ANKRD31: variants seen among roughly 807,000 people sequenced by gnomAD.
The protein encoded by ANKRD31 is ankyrin repeat domain-containing protein 31.
Under a neutral mutation model 186.0 loss-of-function variants are expected in ANKRD31, and 147 were observed. The observed-to-expected ratio is 0.79, with a 90% CI of 0.69 to 0.91. The LOEUF is 0.91. Ranked by LOEUF, ANKRD31 falls within the 40% of genes least tolerant of loss-of-function variation. The pLI is 0.00. For synonymous variants in ANKRD31, 673 were observed against 736.4 expected, an observed-to-expected ratio of 0.91 and a Z score of 1.39; for missense variants, 1,986 against 2,148.8, an observed-to-expected ratio of 0.92 and a Z score of 1.50.
chr5:75,118,141 C>A lies in ANKRD31; in HGVS notation c.4033G>T (p.Val1345Phe). 2.7e-6 allele frequency: 4 copies of A among 1,469,432 alleles called. No individual in the cohort carries two copies. Among genetic ancestry groups the A allele is most frequent in the Non-Finnish European group, 3.6e-6 (4 of 1,121,696 alleles). The allele number at this position is 1,469,432 out of a possible 1,614,324, so 91.0% of individuals were successfully genotyped here. The change falls in exon 18 of 26, where the codon GTC (valine) becomes TTC (phenylalanine). Residue 1345 changes from valine (V) to phenylalanine (F), a missense_variant. Val to Phe is a conservative substitution (Grantham distance 50). Coordinates refer to ENST00000506364, the MANE Select transcript of ANKRD31 (RefSeq NM_001372053.1). ...TVNRDESDAI[V>F]NEKIPAVRSK... Reference sequence around the variant, plus strand: ...GCAATATTGATATACATACCATTGACTATAGCATCACTCTCATCTCTATTA... The same window carrying A: ...GCAATATTGATATACATACCATTGAATATAGCATCACTCTCATCTCTATTA...
At chr5:75,165,245 A>T (rs1183830471) in intron 11 of ANKRD31, among the ~76,000 whole-genome samples, 1 of 151,882 alleles carries the variant, frequency 6.6e-6, no homozygotes, top group African/African-American at 2.4e-5. Flanking sequence ...GCAAATAAAG[A>T]ATATTCAACT....
At chr5:75,103,667 C>A (rs1474661773) in intron 22 of ANKRD31, among the ~76,000 whole-genome samples, 1 of 152,086 alleles carries the variant, frequency 6.6e-6, no homozygotes, top group Non-Finnish European at 1.5e-5. Context: ...TACTATGCAG[C>A]CATAAAAAGG....
intron 10 of ANKRD31, 82 bp downstream of exon 10, chr5:75,188,411 C>A: frequency 7.5e-7 from 1 of 1,324,804 alleles, no homozygotes; most frequent in South Asian, 1.7e-5. Context: ...CTTAGGCTCA[C>A]TTTGCTATAC....
intron 17 of ANKRD31, among the ~76,000 whole-genome samples, chr5:75,121,669 A>G (rs1748804297): frequency 6.6e-6 from 1 of 152,182 alleles, no homozygotes; most frequent in African/African-American, 2.4e-5. Context: ...TCTCAAAACT[A>G]TACAAATACA....
chr5:75,193,653 GAA>G, intron 7 of ANKRD31, 62 bp from the exon 8 acceptor site: 1 of 1,438,188 alleles, frequency 7.0e-7, no homozygotes, highest in East Asian at 2.5e-5. Context: ...AAAACTATAA[GAA>G]GTTAAATTTT....
intron 11 of ANKRD31, among the ~76,000 whole-genome samples, chr5:75,161,228 G>A (rs916508804): frequency 1.3e-5 from 2 of 152,146 alleles, no homozygotes; most frequent in African/African-American, 4.8e-5. Context: ...ATAATGATGT[G>A]GACAATGAAA....
intron 10 of ANKRD31, among the ~76,000 whole-genome samples, chr5:75,180,888 T>G (rs1561511487): frequency 6.6e-6 from 1 of 152,110 alleles, no homozygotes; most frequent in Non-Finnish European, 1.5e-5. Flanking sequence ...AAATGGGATT[T>G]GATTAAACTA....
chr5:75,117,417 C>T (rs185112403), intron 18 of ANKRD31, among the ~76,000 whole-genome samples: 15 of 152,268 alleles, frequency 9.9e-5, no homozygotes, highest in Admixed American at 9.8e-4. Flanking sequence ...TGACCTTGAC[C>T]TATCCATGAT....
intron 6 of ANKRD31, among the ~76,000 whole-genome samples, chr5:75,198,916 T>G (rs1055100657): frequency 1.3e-5 from 2 of 152,186 alleles, no homozygotes; most frequent in Non-Finnish European, 2.9e-5. Flanking sequence ...AATTTTATGT[T>G]ATTTCCCATC....
At chr5:75,191,291 T>A (rs564562384) in intron 9 of ANKRD31, among the ~76,000 whole-genome samples, 1 of 152,278 alleles carries the variant, frequency 6.6e-6, no homozygotes, top group South Asian at 2.1e-4. Flanking sequence ...TACATATCTT[T>A]CCCGTATCTC....
chr5:75,093,664 C>A lies in ANKRD31; in HGVS notation c.5332-2263G>T, dbSNP rs973190075. Among the ~76,000 whole-genome samples, 12 of 152,082 alleles carry A rather than the reference C, an allele frequency of 7.9e-5. 1 individual carries two copies. In the East Asian group the frequency reaches 1.7e-3, roughly 22 times the overall value. On this transcript the variant is annotated intron_variant, in intron 22 of 25. Transcript: ENST00000506364. ...AAGCAGCAGGAGAAAAATAACTCAT[C>A]ATTTACAAGGGAAACTCAAGAAGAT...
In ANKRD31 at chr5:75,080,652, C is replaced by T; in HGVS notation, c.5576-13G>A. The T allele has an allele frequency of 6.6e-7, 1 of 1,520,732 alleles. No homozygotes were observed. Among genetic ancestry groups the T allele is most frequent in the Non-Finnish European group, 8.8e-7 (1 of 1,139,404 alleles). The allele number at this position is 1,520,732 out of a possible 1,614,324, so 94.2% of individuals were successfully genotyped here. ...AAACAAGCAACTTCTGAAAGTGAAA[C>T]AAAACGTTAGTAATAATTTTGCTGA... On this transcript the variant is annotated splice_polypyrimidine_tract_variant and intron_variant, in intron 24 of 25. Coordinates refer to ENST00000506364, the MANE Select transcript of ANKRD31 (RefSeq NM_001372053.1).
intron 10 of ANKRD31, among the ~76,000 whole-genome samples, chr5:75,186,739 AT>A (rs1487747150): frequency 1.3e-5 from 2 of 152,194 alleles, no homozygotes; most frequent in Non-Finnish European, 2.9e-5. Flanking sequence ...AAAGACAAAA[AT>A]ATCATAAAAC....
chr5:75,161,068 T>C (rs564021803), intron 11 of ANKRD31, among the ~76,000 whole-genome samples: 23 of 152,280 alleles, frequency 1.5e-4, no homozygotes, highest in Middle Eastern at 3.4e-3. Context: ...GGGGTGCTGC[T>C]GAAAAGATAC....
chr5:75,235,321 T>C (rs1484064623), intron 1 of ANKRD31, among the ~76,000 whole-genome samples: 5 of 147,316 alleles, frequency 3.4e-5, no homozygotes, highest in South Asian at 2.2e-4. Context: ...TTTTGGCTCA[T>C]AGCAACCTCT....
intron 23 of ANKRD31, among the ~76,000 whole-genome samples, chr5:75,086,927 G>A (rs999473851): frequency 2.6e-5 from 4 of 152,188 alleles, no homozygotes; most frequent in Admixed American, 6.5e-5. Context: ...GAGGAAAATA[G>A]ATGACTCAGC....
At chr5:75,077,850 G>A (rs1461845626) in intron 25 of ANKRD31, among the ~76,000 whole-genome samples, 11 of 150,818 alleles carry the variant, frequency 7.3e-5, no homozygotes, top group Non-Finnish European at 1.2e-4. Context: ...GCATGAACCC[G>A]GGAGGCGGGA....
chr5:75,083,929 T>C (rs1745285060), intron 24 of ANKRD31, among the ~76,000 whole-genome samples: 2 of 152,214 alleles, frequency 1.3e-5, no homozygotes. Flanking sequence ...CATATATTGA[T>C]TTCATTTATA....
At chr5:75,100,228 C>T (rs572585260) in intron 22 of ANKRD31, among the ~76,000 whole-genome samples, 490 of 152,178 alleles carry the variant, frequency 3.2e-3, no homozygotes, top group Non-Finnish European at 5.4e-3. Context: ...TGTATTTGAG[C>T]GGTTTTGAGT....
Sources: allele counts gnomAD v4.1 joint callset (sites outside exome capture counted in the v4.1 genomes callset), GRCh38; gene constraint gnomAD v4.1.1; transcripts MANE v1.5; gene names NCBI Gene and HGNC (gene_info 2026-07-23, HGNC 2026-07-21).